Variants in VEZT observed in about 807,000 individuals in gnomAD.
VEZT encodes the protein vezatin.
Under a neutral mutation model 79.9 loss-of-function variants are expected in VEZT, and 39 were observed. That is an observed-to-expected ratio of 0.49 (90% CI 0.38 to 0.64). VEZT has a LOEUF of 0.64. VEZT is among the 30% of genes least tolerant of loss of function. The pLI, the probability that VEZT is intolerant of heterozygous loss-of-function variation, is 0.00. For synonymous variants in VEZT, 325 were observed against 327.6 expected (o/e 0.99, Z 0.09); for missense variants, 837 against 893.1 (o/e 0.94, Z 0.80).
At chr12:95,282,793 CA>C (rs35758106) in intron 8 of VEZT, 149 bp downstream of exon 8, 98,079 of 392,038 alleles carry the variant, frequency 0.25, 6,106 homozygotes, top group Non-Finnish European at 0.29. Context: ...ATAAATATAG[CA>C]AAAAAAAAAA....
intron 1 of VEZT, among the ~76,000 whole-genome samples, chr12:95,244,301 G>A (rs2061443983): frequency 6.6e-6 from 1 of 152,052 alleles, no homozygotes; most frequent in South Asian, 2.1e-4. Flanking sequence ...TGAGGTGGGA[G>A]GATTCCTCGA....
At chr12:95,221,538 A>T (rs1222028953) in intron 1 of VEZT, among the ~76,000 whole-genome samples, 1 of 151,798 alleles carries the variant, frequency 6.6e-6, no homozygotes, top group Non-Finnish European at 1.5e-5. Context: ...CATCTCAAAA[A>T]AAAAAAATAA....
chr12:95,292,750 T>A (rs1487678947), intron 9 of VEZT, among the ~76,000 whole-genome samples: 1 of 151,916 alleles, frequency 6.6e-6, no homozygotes, highest in Non-Finnish European at 1.5e-5. Context: ...GGTTTCACCA[T>A]ATTAGCCAGG....
At chr12:95,288,425 G>A (rs1259454337) in intron 9 of VEZT, among the ~76,000 whole-genome samples, 2 of 151,960 alleles carry the variant, frequency 1.3e-5, no homozygotes, top group Admixed American at 6.6e-5. Flanking sequence ...ATGTGACTCC[G>A]ATTTTATGCT....
chr12:95,277,723 A>T (rs1268132705), intron 7 of VEZT, among the ~76,000 whole-genome samples: 1 of 152,216 alleles, frequency 6.6e-6, no homozygotes, highest in Non-Finnish European at 1.5e-5. Context: ...GTCACCTGTG[A>T]AAAGGAGTTA....
intron 9 of VEZT, among the ~76,000 whole-genome samples, chr12:95,289,101 T>TAAAAAAA (rs2071890557): frequency 1.7e-5 from 2 of 117,938 alleles, no homozygotes; most frequent in Non-Finnish European, 3.9e-5. Flanking sequence ...AATAAATAAA[T>TAAAAAAA]AAATAAATAA....
intron 8 of VEZT, chr12:95,286,354 G>C (rs1297585252): frequency 2.1e-6 from 1 of 467,452 alleles, no homozygotes; most frequent in African/African-American, 2.0e-5. Flanking sequence ...TTCATAAAAA[G>C]CAATTTCAAT....
intron 4 of VEZT, among the ~76,000 whole-genome samples, chr12:95,264,849 TC>T (rs897269157): frequency 6.8e-6 from 1 of 147,154 alleles, no homozygotes; most frequent in Admixed American, 6.8e-5. Context: ...CCCCTTATAC[TC>T]CCCTCTTTCT....
At chr12:95,294,780 G>T (rs1490309719) in intron 10 of VEZT, among the ~76,000 whole-genome samples, 1 of 152,138 alleles carries the variant, frequency 6.6e-6, no homozygotes, top group African/African-American at 2.4e-5. Context: ...TTTGTTCATT[G>T]TAAGGAAAAC....
intron 2 of VEZT, chr12:95,252,362 T>A (rs2062742514): frequency 1.5e-5 from 3 of 202,468 alleles, no homozygotes; most frequent in African/African-American, 2.3e-5. Context: ...AAAACTTTAA[T>A]GAGAGCACAA....
At chr12:95,248,835 A>G (rs1013140410) in intron 1 of VEZT, among the ~76,000 whole-genome samples, 15 of 145,660 alleles carry the variant, frequency 1.0e-4, no homozygotes, top group South Asian at 4.2e-4. Flanking sequence ...AAAAAAAAAA[A>G]AAAGAAAGAA....
chr12:95,289,081 C>CAAAAAAA (rs71078697), intron 9 of VEZT, among the ~76,000 whole-genome samples: 2,817 of 122,596 alleles, frequency 0.023, 108 homozygotes, highest in Non-Finnish European at 0.038. Flanking sequence ...GACTCCGTCT[C>CAAAAAAA]AAAAAAAAAA....
intron 5 of VEZT, among the ~76,000 whole-genome samples, chr12:95,267,348 A>C (rs2065726597): frequency 6.6e-6 from 1 of 152,252 alleles, no homozygotes; most frequent in African/African-American, 2.4e-5. Flanking sequence ...CCCGGCTTGC[A>C]GTACACTGGA....
chr12:95,270,000 A>C, intron 5 of VEZT, 51 bp from the exon 6 acceptor site: 1 of 1,570,196 alleles, frequency 6.4e-7, no homozygotes, highest in Non-Finnish European at 8.6e-7. Context: ...CAAAAACTTT[A>C]GGACACCTGT....
At chr12:95,280,479 TAC>T (rs34219058) in intron 7 of VEZT, among the ~76,000 whole-genome samples, 3,776 of 117,526 alleles carry the variant, frequency 0.032, 83 homozygotes, top group East Asian at 0.15. Context: ...TACACACACA[TAC>T]ACACACACAC....
intron 6 of VEZT, among the ~76,000 whole-genome samples, chr12:95,271,039 T>C (rs955231139): frequency 2.0e-5 from 3 of 152,194 alleles, no homozygotes; most frequent in African/African-American, 7.2e-5. Context: ...CAAACCTTTG[T>C]AGCTAGATTT....
At chr12:95,251,304 C>A (rs1388465165) in intron 1 of VEZT, among the ~76,000 whole-genome samples, 1 of 152,200 alleles carries the variant, frequency 6.6e-6, no homozygotes, top group Non-Finnish European at 1.5e-5. Context: ...AGCCACTGTG[C>A]CCAGCAGATT....
intron 1 of VEZT, among the ~76,000 whole-genome samples, chr12:95,250,633 T>A (rs2062435682): frequency 6.6e-6 from 1 of 152,106 alleles, no homozygotes; most frequent in Admixed American, 6.6e-5. Flanking sequence ...TCACCAACTG[T>A]ATGCTTTAGA....
At chr12:95,259,180 G>T (rs2063946453) in intron 3 of VEZT, among the ~76,000 whole-genome samples, 2 of 137,710 alleles carry the variant, frequency 1.5e-5, no homozygotes, top group South Asian at 4.8e-4. Flanking sequence ...TACTGTGATG[G>T]AATACTTTCT....
Sources: allele counts gnomAD v4.1 joint callset (sites outside exome capture counted in the v4.1 genomes callset), GRCh38; gene constraint gnomAD v4.1.1; transcripts MANE v1.5; gene names NCBI Gene and HGNC (gene_info 2026-07-23, HGNC 2026-07-21).